Variants in ZNF362 observed in about 807,000 individuals in gnomAD.
ZNF362 encodes the protein zinc finger protein 362, also known as rotund homolog.
A neutral mutation model predicts 42.9 loss-of-function variants in ZNF362; 11 were observed. That is an observed-to-expected ratio of 0.26 (90% CI 0.16 to 0.42). The LOEUF is 0.42. Among genes scored for constraint, ZNF362 ranks in the 20% least tolerant of loss-of-function variants. The pLI, the probability that ZNF362 is intolerant of heterozygous loss-of-function variation, is 1.00. For missense variants in ZNF362, 362 were observed against 576.2 expected (o/e 0.63, Z 3.81); for synonymous variants, 255 against 257.3 (o/e 0.99, Z 0.09).
At chr1:33,159,968 T>C in the ZNF362 span, 2 of 1,591,316 alleles carry the variant, frequency 1.3e-6, no homozygotes, top group Non-Finnish European at 1.7e-6. The surrounding 1 kb of genome is among the most constrained non-coding windows in gnomAD (Gnocchi z 4.2). Context: ...TCGTCAGGGG[T>C]TATGGCTGGG....
At chr1:33,267,151 G>T (rs1413289048) in intron 1 of ZNF362, among the ~76,000 whole-genome samples, 2 of 152,126 alleles carry the variant, frequency 1.3e-5, no homozygotes, top group Non-Finnish European at 2.9e-5. Flanking sequence ...AGGGCCTTAG[G>T]CTGGGGTTTG....
chr1:33,165,724 G>A, the ZNF362 span: 877 of 529,580 alleles, frequency 1.7e-3, 9 homozygotes, highest in African/African-American at 0.016. The surrounding 1 kb of genome is among the most constrained non-coding windows in gnomAD (Gnocchi z 4.0). Context: ...GTCCTGTAGA[G>A]TCTGTCTCCT....
the ZNF362 span, among the ~76,000 whole-genome samples, chr1:33,236,909 A>G: frequency 6.6e-6 from 1 of 151,910 alleles, no homozygotes. Context: ...TGTCTCTACT[A>G]AAAATACAAA....
At position 33,299,070 on chromosome 1, in the gene ZNF362, C is replaced by G. The variant is rs1646146341; in HGVS notation, c.*24C>G. On this transcript the variant is annotated 3_prime_UTR_variant, in exon 9 of 9. Transcript: ENST00000539719. Reference sequence around the variant, plus strand: ...GAGCCCACTGGAGGCGCCGCCCCACCCGGCCCACTGGCAGACACAGACCCA... The same window carrying G: ...GAGCCCACTGGAGGCGCCGCCCCACGCGGCCCACTGGCAGACACAGACCCA... 3 of 1,583,144 alleles carry G rather than the reference C, an allele frequency of 1.9e-6. No individual in the cohort carries two copies. Among genetic ancestry groups the G allele is most frequent in the Non-Finnish European group, 2.6e-6 (3 of 1,162,928 alleles).
At chr1:33,221,683 TG>T in the ZNF362 span, among the ~76,000 whole-genome samples, 1 of 152,228 alleles carries the variant, frequency 6.6e-6, no homozygotes, top group Non-Finnish European at 1.5e-5. Flanking sequence ...AGCCAGGTAC[TG>T]GCTCATTCCA....
the ZNF362 span, among the ~76,000 whole-genome samples, chr1:33,157,863 T>A: frequency 6.6e-6 from 1 of 152,022 alleles, no homozygotes; most frequent in African/African-American, 2.4e-5. Context: ...TTCAAGCAAT[T>A]CTCCTGCCTC....
At chr1:33,285,778 A>G (rs1293631876) in intron 6 of ZNF362, among the ~76,000 whole-genome samples, 1 of 152,234 alleles carries the variant, frequency 6.6e-6, no homozygotes, top group Non-Finnish European at 1.5e-5. Context: ...TGGAGAATAC[A>G]TAGGCCGGGT....
the ZNF362 span, among the ~76,000 whole-genome samples, chr1:33,227,031 A>T: frequency 2.6e-5 from 4 of 152,180 alleles, no homozygotes; most frequent in Admixed American, 2.0e-4. Flanking sequence ...GGAAGGGATG[A>T]GAATACTGGG....
the ZNF362 span, chr1:33,146,503 T>A: frequency 3.8e-5 from 6 of 158,614 alleles, no homozygotes; most frequent in Middle Eastern, 3.3e-3. Context: ...CCTCACCCTG[T>A]CCCTCGGCCT....
chr1:33,238,033 T>A, the ZNF362 span, among the ~76,000 whole-genome samples: 1 of 152,112 alleles, frequency 6.6e-6, no homozygotes, highest in Non-Finnish European at 1.5e-5. Context: ...TTAAAAAAAA[T>A]TGTGACTGGG....
chr1:33,166,609 G>T, the ZNF362 span, among the ~76,000 whole-genome samples: 4 of 152,104 alleles, frequency 2.6e-5, no homozygotes, highest in South Asian at 8.3e-4. Flanking sequence ...CAAGAAACTG[G>T]CCCCATAGCA....
At chr1:33,179,496 G>C in the ZNF362 span, among the ~76,000 whole-genome samples, 1 of 152,232 alleles carries the variant, frequency 6.6e-6, no homozygotes, top group Non-Finnish European at 1.5e-5. Flanking sequence ...CTCGAGGCCA[G>C]AGAGCTCATT....
the ZNF362 span, among the ~76,000 whole-genome samples, chr1:33,160,467 C>T: frequency 2.6e-5 from 4 of 152,146 alleles, no homozygotes; most frequent in East Asian, 3.9e-4. Context: ...TGTGATGGCA[C>T]GATCTCGGAT....
chr1:33,192,979 C>CCACA, the ZNF362 span, among the ~76,000 whole-genome samples: 162 of 139,892 alleles, frequency 1.2e-3, 1 homozygote, highest in East Asian at 3.3e-3. Flanking sequence ...GTCTCTCTCT[C>CCACA]CACACACACA....
chr1:33,223,104 A>G, the ZNF362 span, among the ~76,000 whole-genome samples: 1 of 152,108 alleles, frequency 6.6e-6, no homozygotes, highest in Non-Finnish European at 1.5e-5. Context: ...TACAAAAATT[A>G]GCTGGGTGTT....
the ZNF362 span, among the ~76,000 whole-genome samples, chr1:33,189,672 T>C: frequency 0.19 from 1,980 of 10,202 alleles, 58 homozygotes; most frequent in Non-Finnish European, 0.26. Flanking sequence ...TATATATATA[T>C]GTATATATAT....
At chr1:33,216,461 G>C in the ZNF362 span, among the ~76,000 whole-genome samples, 26 of 144,042 alleles carry the variant, frequency 1.8e-4, no homozygotes, top group Admixed American at 7.8e-4. Flanking sequence ...TTAGCCAGGC[G>C]TGGTGGCAGG....
chr1:33,298,095 A>G (rs1646138342), intron 8 of ZNF362, among the ~76,000 whole-genome samples: 1 of 152,080 alleles, frequency 6.6e-6, no homozygotes, highest in South Asian at 2.1e-4. Context: ...GGCAAAGGCG[A>G]TTGGAAGGAT....
chr1:33,162,289 A>T, the ZNF362 span, among the ~76,000 whole-genome samples: 1 of 152,032 alleles, frequency 6.6e-6, no homozygotes, highest in East Asian at 1.9e-4. Flanking sequence ...TTGCAACTCC[A>T]CCTGCCTAGA....
Sources: gnomAD v4.1 joint callset for allele counts (sites outside exome capture counted in the v4.1 genomes callset) on GRCh38, gnomAD v4.1.1 for gene constraint, Gnocchi (gnomAD v3.1) non-coding constraint, MANE v1.5 for transcripts, NCBI Gene and HGNC (gene_info 2026-07-23, HGNC 2026-07-21) for gene names.